DCLK2: variants seen among roughly 807,000 people sequenced by gnomAD.
DCLK2 encodes doublecortin like kinase 2.
In DCLK2, 31 loss-of-function variants were observed where a neutral mutation model predicts 78.4. The observed-to-expected ratio is 0.40, with a 90% CI of 0.30 to 0.53. DCLK2 has a LOEUF of 0.53. Among genes scored for constraint, DCLK2 ranks in the 20% least tolerant of loss-of-function variants. The pLI is 0.61. For missense variants in DCLK2, 872 were observed against 973.7 expected (o/e 0.90, Z 1.39); for synonymous variants, 407 against 374.9 (o/e 1.09, Z -0.99).
intron 5 of DCLK2, among the ~76,000 whole-genome samples, chr4:150,210,948 C>CAA (rs1406606300): frequency 0.026 from 2,051 of 80,194 alleles, 47 homozygotes; most frequent in African/African-American, 0.031. Flanking sequence ...GACTCTGTCT[C>CAA]AAAAAAAAAA....
chr4:150,255,316 GAGA>G (rs1744478688), intron 15 of DCLK2, among the ~76,000 whole-genome samples: 2 of 152,350 alleles, frequency 1.3e-5, no homozygotes, highest in African/African-American at 4.8e-5. Context: ...GCAGGAAATA[GAGA>G]AGGAGAAAGC....
intron 12 of DCLK2, among the ~76,000 whole-genome samples, chr4:150,246,573 G>A (rs1187019720): frequency 6.6e-6 from 1 of 152,198 alleles, no homozygotes; most frequent in East Asian, 1.9e-4. Flanking sequence ...CCTGGATTTT[G>A]AAGTTGACTC....
chr4:150,139,484 G>A (rs1247222804), intron 2 of DCLK2, among the ~76,000 whole-genome samples: 1 of 152,200 alleles, frequency 6.6e-6, no homozygotes, highest in Non-Finnish European at 1.5e-5. Flanking sequence ...GTTAGCCACA[G>A]CATATTGTGG....
intron 2 of DCLK2, among the ~76,000 whole-genome samples, chr4:150,125,144 A>G (rs551502033): frequency 6.6e-6 from 1 of 152,254 alleles, no homozygotes; most frequent in South Asian, 2.1e-4. Flanking sequence ...ATATGGTTGT[A>G]TTCCCACATA....
chr4:150,247,464 T>G, intron 12 of DCLK2, 139 bp from the exon 13 acceptor site: 2 of 621,504 alleles, frequency 3.2e-6, no homozygotes, highest in East Asian at 2.8e-5. Flanking sequence ...CAAATGGAAT[T>G]GAGATACATA....
At chr4:150,122,833 A>C (rs896228882) in intron 2 of DCLK2, among the ~76,000 whole-genome samples, 1 of 152,218 alleles carries the variant, frequency 6.6e-6, no homozygotes, top group Non-Finnish European at 1.5e-5. Context: ...CAGCTTTTTC[A>C]TCAGTACTCG....
chr4:150,160,094 A>G (rs1293410841), intron 2 of DCLK2, among the ~76,000 whole-genome samples: 1 of 151,758 alleles, frequency 6.6e-6, no homozygotes, highest in African/African-American at 2.4e-5. Context: ...TGCTCACTGC[A>G]GCCTTGACCT....
intron 2 of DCLK2, among the ~76,000 whole-genome samples, chr4:150,191,476 T>C (rs1379528020): frequency 6.6e-6 from 1 of 151,808 alleles, no homozygotes; most frequent in Non-Finnish European, 1.5e-5. Flanking sequence ...TTGAAAACCA[T>C]GTAAGAAGTA....
chr4:150,134,076 C>CTTTTTTTTTT (rs768954755), intron 2 of DCLK2, among the ~76,000 whole-genome samples: 1 of 94,852 alleles, frequency 1.1e-5, no homozygotes, highest in Non-Finnish European at 2.0e-5. Flanking sequence ...CGTATAAACT[C>CTTTTTTTTTT]TTTTTTTTTT....
At chr4:150,230,283 GATA>G (rs1291478413) in intron 8 of DCLK2, among the ~76,000 whole-genome samples, 1 of 152,142 alleles carries the variant, frequency 6.6e-6, no homozygotes, top group Admixed American at 6.5e-5. Context: ...TATTGAAAAA[GATA>G]ATAACTTTTG....
intron 2 of DCLK2, among the ~76,000 whole-genome samples, chr4:150,141,241 A>G (rs1411734599): frequency 1.3e-5 from 2 of 152,188 alleles, no homozygotes; most frequent in Non-Finnish European, 2.9e-5. Context: ...CTTCCCCCAA[A>G]TCGTGACTCA....
intron 5 of DCLK2, among the ~76,000 whole-genome samples, chr4:150,206,570 C>G (rs1433643376): frequency 1.3e-5 from 2 of 152,218 alleles, no homozygotes; most frequent in East Asian, 3.9e-4. Flanking sequence ...ATCTGTAAAA[C>G]AAGACTTTTG....
intron 2 of DCLK2, among the ~76,000 whole-genome samples, chr4:150,126,048 A>C (rs987880771): frequency 6.6e-6 from 1 of 152,236 alleles, no homozygotes; most frequent in Non-Finnish European, 1.5e-5. Flanking sequence ...CAATAAATTA[A>C]AGTCAGTATT....
At chr4:150,120,684 C>G (rs1732466187) in intron 2 of DCLK2, among the ~76,000 whole-genome samples, 1 of 152,104 alleles carries the variant, frequency 6.6e-6, no homozygotes, top group Admixed American at 6.5e-5. Flanking sequence ...GTTTGGCGTC[C>G]TAGCACAGAT....
chr4:150,223,401 CAA>C (rs1250388081), intron 7 of DCLK2, among the ~76,000 whole-genome samples: 2 of 152,136 alleles, frequency 1.3e-5, no homozygotes, highest in African/African-American at 2.4e-5. Context: ...TTTCTATACT[CAA>C]AGACATTTTT....
At chr4:150,164,077 G>A (rs1177963027) in intron 2 of DCLK2, among the ~76,000 whole-genome samples, 1 of 152,138 alleles carries the variant, frequency 6.6e-6, no homozygotes, top group African/African-American at 2.4e-5. Flanking sequence ...GCCTAACACA[G>A]CCCATTTTAT....
intron 2 of DCLK2, among the ~76,000 whole-genome samples, chr4:150,117,440 C>T (rs1208703391): frequency 6.6e-6 from 1 of 152,190 alleles, no homozygotes; most frequent in Admixed American, 6.5e-5. Context: ...AGCAGGGGTG[C>T]CCAGCTCCTG....
chr4:150,129,039 C>G (rs1251230001), intron 2 of DCLK2, among the ~76,000 whole-genome samples: 1 of 152,062 alleles, frequency 6.6e-6, no homozygotes, highest in East Asian at 1.9e-4. Flanking sequence ...GAACATTTTT[C>G]ACTAGCATAT....
chr4:150,123,350 A>C (rs894520692), intron 2 of DCLK2, among the ~76,000 whole-genome samples: 3 of 152,140 alleles, frequency 2.0e-5, no homozygotes, highest in Admixed American at 2.0e-4. Flanking sequence ...CTCAGGAAAT[A>C]GGGAGGCCCA....
Sources: allele counts gnomAD v4.1 joint callset (sites outside exome capture counted in the v4.1 genomes callset), GRCh38; gene constraint gnomAD v4.1.1; transcripts MANE v1.5; gene names NCBI Gene and HGNC (gene_info 2026-07-23, HGNC 2026-07-21).